Variants in LIMCH1 observed in about 807,000 individuals in gnomAD.
LIMCH1 encodes LIM and calponin homology domains-containing protein 1.
LIMCH1 carries 113 observed loss-of-function variants against 176.5 expected under a neutral mutation model. That is an observed-to-expected ratio of 0.64 (90% CI 0.55 to 0.75). The LOEUF (loss-of-function observed/expected upper bound fraction) is 0.75, where lower values mean the gene tolerates loss of function less well. Ranked by LOEUF, LIMCH1 falls within the 30% of genes least tolerant of loss-of-function variation. The probability of loss-of-function intolerance (pLI) is 0.00; values close to 1 mark genes in which losing one functional copy is unlikely to be tolerated. For synonymous variants in LIMCH1, 619 were observed against 645.9 expected (o/e 0.96, Z 0.63); for missense variants, 1,674 against 1,814.9 (o/e 0.92, Z 1.41).
chr4:41,557,546 C>CTGTGTGTGTGTGTGTGTGTGTG (rs34757433), intron 1 of LIMCH1, among the ~76,000 whole-genome samples: 10 of 147,840 alleles, frequency 6.8e-5, no homozygotes, highest in African/African-American at 2.5e-4. Flanking sequence ...TTTATTGCCT[C>CTGTGTGTGTGTGTGTGTGTGTG]TGTGTGTGTG....
intron 2 of LIMCH1, among the ~76,000 whole-genome samples, chr4:41,508,095 A>G (rs183909285): frequency 1.8e-4 from 27 of 152,266 alleles, no homozygotes; most frequent in Admixed American, 1.7e-3. Context: ...TCTTGGAGGA[A>G]TTGCAGGTAG....
chr4:41,577,577 G>A (rs1194608796), intron 1 of LIMCH1, among the ~76,000 whole-genome samples: 1 of 152,032 alleles, frequency 6.6e-6, no homozygotes, highest in Admixed American at 6.5e-5. Flanking sequence ...CTACAGGTAT[G>A]TGCCACCACA....
At chr4:41,422,980 A>T (rs1287061962) in intron 1 of LIMCH1, among the ~76,000 whole-genome samples, 1 of 151,856 alleles carries the variant, frequency 6.6e-6, no homozygotes, top group Non-Finnish European at 1.5e-5. Flanking sequence ...GCTGGTCTTG[A>T]TCTCCTGGGT....
At chr4:41,688,005 A>C in intron 29 of LIMCH1, 88 bp downstream of exon 29, 1 of 1,057,132 alleles carries the variant, frequency 9.5e-7, no homozygotes, top group Admixed American at 1.8e-5. Flanking sequence ...GTGCTTGCCA[A>C]ATGATTTTGA....
intron 1 of LIMCH1, among the ~76,000 whole-genome samples, chr4:41,579,428 A>T (rs1269158886): frequency 6.6e-6 from 1 of 152,210 alleles, no homozygotes; most frequent in African/African-American, 2.4e-5. Flanking sequence ...ACCCTTAAAC[A>T]TGAGATGGGG....
intron 1 of LIMCH1, among the ~76,000 whole-genome samples, chr4:41,576,536 A>G (rs900146621): frequency 6.6e-6 from 1 of 152,226 alleles, no homozygotes; most frequent in Non-Finnish European, 1.5e-5. Context: ...GTAGCATGTG[A>G]TTAAAAATAA....
rs368906535 is a variant in LIMCH1, at chr4:41,642,737, CT to C, written c.2127-1750del. Among the ~76,000 whole-genome samples, 292 of 136,348 alleles carry C rather than the reference CT, an allele frequency of 2.1e-3. 2 individuals are homozygous for C. Among genetic ancestry groups the C allele is most frequent in the African/African-American group, 5.6e-3 (203 of 36,468 alleles). 89.4% of individuals were successfully genotyped at this position (136,348 alleles called of 152,430 possible). The stretch of plus-strand genomic sequence containing the variant: ...GCATGCCTAATTTTTTTTCTTTTTT[CT>C]TTTTTTTTTTTTGTATTTTTAGTAG... On this transcript the variant is annotated intron_variant, in intron 14 of 31. Coordinates refer to ENST00000503057, the MANE Select transcript of LIMCH1 (RefSeq NM_001330672.2).
intron 1 of LIMCH1, among the ~76,000 whole-genome samples, chr4:41,394,883 G>A (rs894679788): frequency 6.6e-6 from 1 of 152,160 alleles, no homozygotes; most frequent in Non-Finnish European, 1.5e-5. Context: ...AGAAACTAAG[G>A]ACCTAGCATG....
chr4:41,512,808 G>A (rs1481779151), intron 2 of LIMCH1, among the ~76,000 whole-genome samples: 2 of 152,192 alleles, frequency 1.3e-5, no homozygotes, highest in South Asian at 2.1e-4. Flanking sequence ...TAGTGGAAGG[G>A]AAACTAAAAT....
intron 14 of LIMCH1, among the ~76,000 whole-genome samples, chr4:41,640,105 T>C (rs1240854783): frequency 6.6e-6 from 1 of 152,218 alleles, no homozygotes; most frequent in African/African-American, 2.4e-5. Flanking sequence ...AAGTTTCCCA[T>C]GTGTGATCTG....
chr4:41,456,497 A>G (rs974121286), intron 1 of LIMCH1, among the ~76,000 whole-genome samples: 33 of 152,198 alleles, frequency 2.2e-4, no homozygotes, highest in African/African-American at 7.7e-4. Context: ...ACAATACTGT[A>G]TGCCCTTGAC....
At chr4:41,542,828 C>A (rs1399527070) in intron 1 of LIMCH1, among the ~76,000 whole-genome samples, 3 of 152,150 alleles carry the variant, frequency 2.0e-5, no homozygotes, top group African/African-American at 7.2e-5. Flanking sequence ...GAGAGAACAA[C>A]TTGCTATATA....
chr4:41,421,203 C>T (rs2060578453), intron 1 of LIMCH1, among the ~76,000 whole-genome samples: 1 of 152,162 alleles, frequency 6.6e-6, no homozygotes, highest in Non-Finnish European at 1.5e-5. Context: ...TGACTTGGTT[C>T]CTTATGGTAA....
At chr4:41,594,334 C>T (rs537513612) in intron 1 of LIMCH1, among the ~76,000 whole-genome samples, 12 of 152,272 alleles carry the variant, frequency 7.9e-5, no homozygotes, top group South Asian at 2.1e-4. Flanking sequence ...GTTAGCTCCA[C>T]GATAGTAAGA....
At chr4:41,415,617 C>T (rs990306203) in intron 1 of LIMCH1, among the ~76,000 whole-genome samples, 1 of 152,150 alleles carries the variant, frequency 6.6e-6, no homozygotes, top group African/African-American at 2.4e-5. Context: ...TGTGATGCTT[C>T]TGTGACCTTG....
chr4:41,655,101 A>G (rs1205695743), intron 18 of LIMCH1, among the ~76,000 whole-genome samples: 1 of 152,158 alleles, frequency 6.6e-6, no homozygotes, highest in African/African-American at 2.4e-5. Flanking sequence ...CCCCAAAGCT[A>G]TTCCAGTGTT....
chr4:41,667,760 G>A (rs899251910), intron 21 of LIMCH1, among the ~76,000 whole-genome samples: 1 of 152,152 alleles, frequency 6.6e-6, no homozygotes, highest in Non-Finnish European at 1.5e-5. Flanking sequence ...GATGGGTTCT[G>A]AGAATTCCAC....
intron 1 of LIMCH1, among the ~76,000 whole-genome samples, chr4:41,442,121 G>A (rs377764705): frequency 2.0e-5 from 3 of 152,004 alleles, no homozygotes; most frequent in East Asian, 1.9e-4. Context: ...GCAACATGGC[G>A]AAACTGCATC....
intron 1 of LIMCH1, among the ~76,000 whole-genome samples, chr4:41,364,324 TTAC>T (rs1177260147): frequency 2.0e-5 from 3 of 152,156 alleles, no homozygotes; most frequent in Non-Finnish European, 2.9e-5. Context: ...GCTGTTACTT[TTAC>T]TACTACTATT....
Sources: allele counts gnomAD v4.1 joint callset (sites outside exome capture counted in the v4.1 genomes callset), GRCh38; gene constraint gnomAD v4.1.1; transcripts MANE v1.5; gene names NCBI Gene and HGNC (gene_info 2026-07-23, HGNC 2026-07-21).